Variants in ZRANB1 observed in about 807,000 individuals in gnomAD.
ZRANB1 encodes the protein zinc finger RANBP2-type containing 1, also known as ubiquitin thioesterase ZRANB1.
Under a neutral mutation model 80.5 loss-of-function variants are expected in ZRANB1, and 16 were observed. The observed-to-expected ratio is 0.20, with a 90% CI of 0.13 to 0.30. The LOEUF is 0.30. Ranked by LOEUF, ZRANB1 falls within the 10% of genes least tolerant of loss-of-function variation. The pLI is 1.00. For synonymous variants in ZRANB1, 291 were observed against 293.1 expected (o/e 0.99, Z 0.07); for missense variants, 576 against 862.6 (o/e 0.67, Z 4.16).
At chr10:124,959,115 T>G (rs1173320394) in intron 1 of ZRANB1, among the ~76,000 whole-genome samples, 1 of 152,242 alleles carries the variant, frequency 6.6e-6, no homozygotes, top group East Asian at 1.9e-4. Flanking sequence ...AAATAGAATT[T>G]AGCAAGCCAG....
chr10:124,966,564 A>T (rs1249004711), intron 1 of ZRANB1, 30 bp from the exon 2 acceptor site: 1 of 1,594,518 alleles, frequency 6.3e-7, no homozygotes, highest in South Asian at 1.1e-5. Context: ...ATGAGAATTA[A>T]ATGCTTTTCT....
intron 8 of ZRANB1, 150 bp from the exon 9 acceptor site, chr10:124,984,624 A>G: frequency 1.4e-6 from 1 of 732,270 alleles, no homozygotes; most frequent in Non-Finnish European, 2.2e-6. Context: ...TTTAATCACA[A>G]AACTTCCAAG....
In ZRANB1 at chr10:124,986,892, C is replaced by CAG. The variant is rs10640609; in HGVS notation, c.*1903_*1904dup. The CAG allele has an allele frequency of 0.97, 147,496 of 152,372 alleles. 71,467 individuals are homozygous for CAG. The highest frequency in any genetic ancestry group is 0.99 in the Non-Finnish European group (67,612 of 68,046). 9.4% of individuals were successfully genotyped at this position (152,372 alleles called of 1,614,324 possible). ...AGTCTGCATTGCAGCCAGCGTTGTC[C>CAG]AGAGTACACGCTCAGCACTTAGCTT... On this transcript the variant is annotated 3_prime_UTR_variant, in exon 9 of 9. Coordinates refer to ENST00000359653, the MANE Select transcript of ZRANB1 (RefSeq NM_017580.3).
chr10:124,935,327 T>C, the ZRANB1 span, among the ~76,000 whole-genome samples: 3 of 152,194 alleles, frequency 2.0e-5, no homozygotes, highest in African/African-American at 7.2e-5. Context: ...ACATAACAAG[T>C]GTATCAAACA....
chr10:124,955,336 A>C (rs1407076404), intron 1 of ZRANB1, among the ~76,000 whole-genome samples: 1 of 151,888 alleles, frequency 6.6e-6, no homozygotes, highest in East Asian at 2.0e-4. Flanking sequence ...CCTGGGTTCA[A>C]GTGATCCTCC....
chr10:124,943,975 T>C (rs1389341617), intron 1 of ZRANB1, among the ~76,000 whole-genome samples: 1 of 152,224 alleles, frequency 6.6e-6, no homozygotes, highest in Admixed American at 6.5e-5. Flanking sequence ...ATGAATGTCA[T>C]GTAGTAAATG....
intron 1 of ZRANB1, among the ~76,000 whole-genome samples, chr10:124,947,379 A>G (rs1396637694): frequency 6.6e-6 from 1 of 152,236 alleles, no homozygotes; most frequent in Non-Finnish European, 1.5e-5. Flanking sequence ...TAATGTATCT[A>G]GAGAATAGAG....
At position 124,987,438 on chromosome 10, in the gene ZRANB1, A is replaced by ACCTG. The variant is rs919158393; in HGVS notation, c.*2450_*2453dup. 1 of 152,020 alleles carries ACCTG rather than the reference A, an allele frequency of 6.6e-6. No homozygotes were observed. The highest frequency in any genetic ancestry group is 2.4e-5 in the African/African-American group (1 of 41,380). 9.4% of individuals were successfully genotyped at this position (152,020 alleles called of 1,614,324 possible). A position where few individuals can be genotyped will look rare whatever the true frequency, so the allele number is the denominator to read the frequency against. On this transcript the variant is annotated 3_prime_UTR_variant, in exon 9 of 9. Transcript: ENST00000359653. Reference sequence around the variant, plus strand: ...AAACCCAGGTGGACCATGGATTCAGACCTGCCTTTTTATGTTTTTGACTCT... The same window carrying ACCTG: ...AAACCCAGGTGGACCATGGATTCAGACCTGCCTGCCTTTTTATGTTTTTGACTCT...
intron 2 of ZRANB1, among the ~76,000 whole-genome samples, chr10:124,967,378 T>C (rs1005096558): frequency 2.0e-5 from 3 of 151,998 alleles, no homozygotes; most frequent in Non-Finnish European, 2.9e-5. Flanking sequence ...ATGGTGGAAT[T>C]TGTGGTGAAT....
chr10:124,933,439 C>G, the ZRANB1 span, among the ~76,000 whole-genome samples: 3 of 152,150 alleles, frequency 2.0e-5, no homozygotes, highest in Non-Finnish European at 4.4e-5. Flanking sequence ...GCCTGGCTGA[C>G]AGAAATTAAA....
the ZRANB1 span, among the ~76,000 whole-genome samples, chr10:124,922,567 A>G: frequency 6.7e-6 from 1 of 148,622 alleles, no homozygotes; most frequent in Non-Finnish European, 1.5e-5. Context: ...ATCTCAGCTC[A>G]CTGCAACCTC....
Position 124,954,456 on chromosome 10 carries a change from T to TG in ZRANB1, c.814+11149_814+11150insG, listed in dbSNP as rs1951672803. On this transcript the variant is annotated intron_variant, in intron 1 of 8. Coordinates refer to ENST00000359653, the MANE Select transcript of ZRANB1 (RefSeq NM_017580.3). ...AATGGTACATTAAAAGTTTTTTTTT[T>TG]TTTTTTTTGGAAACAGGGTCTTGCT... Among the ~76,000 whole-genome samples the TG allele has an allele frequency of 2.0e-5, 3 of 151,248 alleles. No homozygotes were observed. The East Asian group carries it at 5.9e-4, about 30-fold the overall frequency.
chr10:124,965,325 C>T (rs1455972588), intron 1 of ZRANB1, among the ~76,000 whole-genome samples: 6 of 152,088 alleles, frequency 3.9e-5, no homozygotes, highest in South Asian at 2.1e-4. Context: ...TGTCTGTGTT[C>T]GGGGCAGGGG....
chr10:124,943,452 C>A, intron 1 of ZRANB1, 145 bp downstream of exon 1: 1 of 740,414 alleles, frequency 1.4e-6, no homozygotes, highest in Non-Finnish European at 2.2e-6. Flanking sequence ...ATGCCATGAT[C>A]GGTCTGTGAA....
chr10:124,951,973 T>C (rs1951642406), intron 1 of ZRANB1, among the ~76,000 whole-genome samples: 1 of 151,796 alleles, frequency 6.6e-6, no homozygotes, highest in Non-Finnish European at 1.5e-5. Context: ...AATAAATAAA[T>C]AAAAACAAAA....
In ZRANB1 at chr10:124,942,366, A is replaced by G; in HGVS notation, c.-128A>G. 6.9e-7 allele frequency: 1 copy of G among 1,458,452 alleles called. No homozygotes were observed. The highest frequency in any genetic ancestry group is 2.5e-5 in the East Asian group (1 of 40,534). 90.3% of individuals were successfully genotyped at this position (1,458,452 alleles called of 1,614,324 possible). On this transcript the variant is annotated 5_prime_UTR_variant, in exon 1 of 9. It adds an upstream start codon to the 5' untranslated region. Transcript: ENST00000359653. ...TGCATGCATCTTTTGAGAAATTTAT[A>G]TTTTGTAGGTTGAAGGACTTGCTTT...
intron 1 of ZRANB1, among the ~76,000 whole-genome samples, chr10:124,944,829 C>CA (rs372980445): frequency 2.0e-5 from 3 of 151,946 alleles, no homozygotes; most frequent in Non-Finnish European, 2.9e-5. Flanking sequence ...TTTGTTCTGG[C>CA]AAAAAAGAAT....
intron 4 of ZRANB1, 131 bp downstream of exon 4, chr10:124,973,847 T>G (rs1951849147): frequency 2.5e-6 from 2 of 790,782 alleles, no homozygotes; most frequent in Non-Finnish European, 4.0e-6. Context: ...CGTAAAGTCC[T>G]GAAGTTCAGT....
chr10:124,970,156 A>G (rs1327076093), intron 2 of ZRANB1, among the ~76,000 whole-genome samples: 1 of 152,190 alleles, frequency 6.6e-6, no homozygotes, highest in Non-Finnish European at 1.5e-5. Flanking sequence ...AGTGTTGACT[A>G]ATGGTTGGGC....
Sources: gnomAD v4.1 joint callset for allele counts (sites outside exome capture counted in the v4.1 genomes callset) on GRCh38, gnomAD v4.1.1 for gene constraint, MANE v1.5 for transcripts, NCBI Gene and HGNC (gene_info 2026-07-23, HGNC 2026-07-21) for gene names.